FRMD4A: variants seen among roughly 807,000 people sequenced by gnomAD.
FRMD4A encodes FERM domain-containing protein 4A.
A neutral mutation model predicts 129.1 loss-of-function variants in FRMD4A; 29 were observed. That is an observed-to-expected ratio of 0.22 (90% CI 0.17 to 0.31). FRMD4A has a LOEUF of 0.31. Ranked by LOEUF, FRMD4A falls within the 10% of genes least tolerant of loss-of-function variation. The probability of loss-of-function intolerance (pLI) is 1.00; values close to 1 mark genes in which losing one functional copy is unlikely to be tolerated. For missense variants in FRMD4A, 1,272 were observed against 1,375.8 expected (o/e 0.92, Z 1.19); for synonymous variants, 634 against 571.6 (o/e 1.11, Z -1.56).
intron 2 of FRMD4A, among the ~76,000 whole-genome samples, chr10:14,213,014 A>T (rs932331153): frequency 6.6e-6 from 1 of 152,170 alleles, no homozygotes; most frequent in Non-Finnish European, 1.5e-5. Context: ...AGGCAGGAGG[A>T]TCTCTTGAGG....
At chr10:13,919,683 A>G (rs370796431) in intron 2 of FRMD4A, among the ~76,000 whole-genome samples, 18 of 152,346 alleles carry the variant, frequency 1.2e-4, no homozygotes, top group East Asian at 1.2e-3. Context: ...GAAGCCTGTA[A>G]TCCCAGCACT....
chr10:14,031,784 T>C (rs1833258291), intron 2 of FRMD4A, among the ~76,000 whole-genome samples: 1 of 152,184 alleles, frequency 6.6e-6, no homozygotes, highest in South Asian at 2.1e-4. Context: ...ATTTTGCTCA[T>C]TAATGTCATT....
chr10:13,921,129 T>C (rs2095065944), intron 2 of FRMD4A, among the ~76,000 whole-genome samples: 1 of 152,188 alleles, frequency 6.6e-6, no homozygotes, highest in Admixed American at 6.5e-5. Context: ...TCTTTCCCCT[T>C]GCAGACGGCT....
intron 15 of FRMD4A, among the ~76,000 whole-genome samples, chr10:13,678,349 G>T (rs1360860496): frequency 2.6e-5 from 4 of 152,312 alleles, no homozygotes; most frequent in Middle Eastern, 3.4e-3. Flanking sequence ...TCAAATCCCC[G>T]CAAAATCACT....
At chr10:13,804,394 G>T (rs1291632827) in intron 4 of FRMD4A, among the ~76,000 whole-genome samples, 4 of 152,110 alleles carry the variant, frequency 2.6e-5, no homozygotes, top group African/African-American at 4.8e-5. Context: ...CTTTTCAGAG[G>T]CCCCAGCTGA....
rs141920452 is a variant in FRMD4A, at chr10:13,652,179, C to T, written c.3051-205G>A. The T allele has an allele frequency of 1.3e-3, 765 of 592,868 alleles. 17 individuals are homozygous for T. Among genetic ancestry groups the T allele is most frequent in the South Asian group, 0.013 (625 of 48,716 alleles). The allele number at this position is 592,868 out of a possible 1,614,324, so 36.7% of individuals were successfully genotyped here. ...AAAATACCTAGTTTGTTAGGAGGGACGGGCCCTCTTTTACCCATGGCCTCA... is the reference window on the plus strand; with the variant it reads ...AAAATACCTAGTTTGTTAGGAGGGATGGGCCCTCTTTTACCCATGGCCTCA... On this transcript the variant is annotated intron_variant, in intron 23 of 24. Transcript: ENST00000357447.
intron 12 of FRMD4A, among the ~76,000 whole-genome samples, chr10:13,734,098 A>C (rs2090478751): frequency 6.6e-6 from 1 of 151,690 alleles, no homozygotes; most frequent in South Asian, 2.1e-4. Context: ...CAGCGTCCAC[A>C]CTCTGGTGGA....
At chr10:14,319,904 C>G (rs751264052) in intron 2 of FRMD4A, among the ~76,000 whole-genome samples, 2 of 152,190 alleles carry the variant, frequency 1.3e-5, no homozygotes, top group Non-Finnish European at 2.9e-5. Flanking sequence ...ATTTCCCACT[C>G]CAGAGTGGCT....
chr10:13,790,802 G>A (rs1055484008), intron 5 of FRMD4A, among the ~76,000 whole-genome samples: 20 of 152,160 alleles, frequency 1.3e-4, no homozygotes, highest in African/African-American at 4.6e-4. Flanking sequence ...GGCGGTTGCT[G>A]TGAGCAGAGC....
chr10:14,147,868 G>T (rs1419471650), intron 2 of FRMD4A, among the ~76,000 whole-genome samples: 2 of 152,164 alleles, frequency 1.3e-5, no homozygotes, highest in Non-Finnish European at 2.9e-5. Flanking sequence ...ACACTGCCTA[G>T]ATTCAAATCA....
At chr10:13,864,577 CTT>C (rs60899227) in intron 2 of FRMD4A, among the ~76,000 whole-genome samples, 39 of 136,902 alleles carry the variant, frequency 2.8e-4, no homozygotes, top group Admixed American at 3.7e-4. Flanking sequence ...TTCTTTCTTT[CTT>C]TTTTTTTTTT....
chr10:13,674,987 T>C lies in FRMD4A; in HGVS notation c.1175A>G (p.Lys392Arg), dbSNP rs1466456039. 3 of 1,613,194 alleles carry C rather than the reference T, an allele frequency of 1.9e-6. No individual in the cohort carries two copies. The highest frequency in any genetic ancestry group is 2.5e-6 in the Non-Finnish European group (3 of 1,179,256). ...SAKKDMLAAL[K>R]SRQEALEETL... is the part of the protein sequence containing the mutation. ...TTCCTCCAGAGCTTCCTGCCTGGACTTCAAGGCAGCCAGCATGTCCTTCTT... is the reference window on the plus strand; with the variant it reads ...TTCCTCCAGAGCTTCCTGCCTGGACCTCAAGGCAGCCAGCATGTCCTTCTT... The change falls in exon 16 of 25, where the codon AAG (lysine) becomes AGG (arginine). Residue 392 changes from lysine to arginine, a missense_variant. By Grantham distance (26) the Lys-to-Arg change is conservative (BLOSUM62 2). Transcript: ENST00000357447.
chr10:14,269,255 A>C (rs1845079545), intron 2 of FRMD4A, among the ~76,000 whole-genome samples: 2 of 152,216 alleles, frequency 1.3e-5, no homozygotes, highest in Non-Finnish European at 2.9e-5. Context: ...TGTATTTGAA[A>C]CTGGCTGCTT....
chr10:13,769,516 C>T (rs933378623), intron 6 of FRMD4A, among the ~76,000 whole-genome samples: 3 of 152,074 alleles, frequency 2.0e-5, no homozygotes, highest in South Asian at 2.1e-4. Flanking sequence ...CACCATGTTG[C>T]CCCGGGTGGT....
chr10:14,155,760 T>C (rs781053106), intron 2 of FRMD4A, among the ~76,000 whole-genome samples: 8 of 152,050 alleles, frequency 5.3e-5, no homozygotes, highest in Non-Finnish European at 1.0e-4. Flanking sequence ...GGTTGGAGGT[T>C]TGGAGGAAAG....
chr10:14,293,747 A>G (rs1184274014), intron 2 of FRMD4A, among the ~76,000 whole-genome samples: 1 of 152,242 alleles, frequency 6.6e-6, no homozygotes, highest in Non-Finnish European at 1.5e-5. Flanking sequence ...ACTTCTTGGC[A>G]TAAACCCTGG....
At chr10:14,203,062 C>T (rs755005786) in intron 2 of FRMD4A, among the ~76,000 whole-genome samples, 3 of 152,134 alleles carry the variant, frequency 2.0e-5, no homozygotes, top group Non-Finnish European at 4.4e-5. Flanking sequence ...TGTGAGCCAC[C>T]GTGCCTGGCC....
At chr10:13,737,299 A>G (rs60169139) in intron 12 of FRMD4A, among the ~76,000 whole-genome samples, 8,662 of 152,258 alleles carry the variant, frequency 0.057, 404 homozygotes, top group African/African-American at 0.12. Context: ...CATGTTGGCC[A>G]GGCTGGTATA....
intron 15 of FRMD4A, chr10:13,684,062 T>C (rs2084860701): frequency 6.6e-6 from 1 of 152,242 alleles, no homozygotes. Context: ...TCTGAATTAT[T>C]GTCAGGAAAA....
Sources: allele counts gnomAD v4.1 joint callset (sites outside exome capture counted in the v4.1 genomes callset), GRCh38; gene constraint gnomAD v4.1.1; transcripts MANE v1.5; gene names NCBI Gene and HGNC (gene_info 2026-07-23, HGNC 2026-07-21).